Variants in LUZP2 observed in about 807,000 individuals in gnomAD.
LUZP2 encodes the protein leucine zipper protein 2.
LUZP2 carries 52 observed loss-of-function variants against 51.6 expected under a neutral mutation model. The observed-to-expected ratio is 1.01, with a 90% confidence interval of 0.81 to 1.27. LUZP2 has a LOEUF of 1.27. LUZP2 is among the 50% of genes most tolerant of loss of function. The probability of loss-of-function intolerance (pLI) is 0.00; values close to 1 mark genes in which losing one functional copy is unlikely to be tolerated. For missense variants in LUZP2, 436 were observed against 395.4 expected, an observed-to-expected ratio of 1.10 and a Z score of -0.87; for synonymous variants, 154 against 137.3, an observed-to-expected ratio of 1.12 and a Z score of -0.85.
chr11:24,524,277 A>G (rs1336374291), intron 1 of LUZP2, among the ~76,000 whole-genome samples: 5 of 151,932 alleles, frequency 3.3e-5, no homozygotes, highest in Non-Finnish European at 4.4e-5. Flanking sequence ...AGTCTCTTGC[A>G]CTGGTCATCT....
intron 7 of LUZP2, among the ~76,000 whole-genome samples, chr11:24,954,994 G>A (rs1040644968): frequency 1.3e-5 from 2 of 151,940 alleles, no homozygotes; most frequent in African/African-American, 4.8e-5. Context: ...AGATGGTGAG[G>A]TATGTAAGAA....
At chr11:24,787,925 T>C (rs369655777) in intron 5 of LUZP2, among the ~76,000 whole-genome samples, 2 of 152,236 alleles carry the variant, frequency 1.3e-5, no homozygotes, top group South Asian at 4.1e-4. Flanking sequence ...CAAGCCTTGC[T>C]GTCTTATCCT....
intron 5 of LUZP2, among the ~76,000 whole-genome samples, chr11:24,902,737 CTA>C (rs1249031661): frequency 1.3e-5 from 2 of 152,092 alleles, no homozygotes; most frequent in African/African-American, 4.8e-5. Context: ...TAATTATCAT[CTA>C]TGTTTCCTCA....
At chr11:24,539,680 T>C (rs868582613) in intron 1 of LUZP2, among the ~76,000 whole-genome samples, 100 of 151,960 alleles carry the variant, frequency 6.6e-4, no homozygotes, top group African/African-American at 2.3e-3. Flanking sequence ...GTGACAGAAG[T>C]ACATATATAT....
At chr11:24,924,990 A>G (rs1854184124) in intron 7 of LUZP2, among the ~76,000 whole-genome samples, 1 of 152,128 alleles carries the variant, frequency 6.6e-6, no homozygotes, top group African/African-American at 2.4e-5. Context: ...CTCTTAGTTA[A>G]TTCTCTCCTG....
chr11:24,614,272 A>C (rs192568367), intron 1 of LUZP2, among the ~76,000 whole-genome samples: 4 of 152,100 alleles, frequency 2.6e-5, no homozygotes, highest in African/African-American at 9.6e-5. Flanking sequence ...TATTCTAGAA[A>C]ACATATTGTT....
At chr11:24,707,922 A>G (rs886346085) in intron 1 of LUZP2, among the ~76,000 whole-genome samples, 4 of 152,182 alleles carry the variant, frequency 2.6e-5, no homozygotes, top group Non-Finnish European at 4.4e-5. Flanking sequence ...CTTATCTCTG[A>G]CGCACGTGGC....
intron 5 of LUZP2, among the ~76,000 whole-genome samples, chr11:24,853,004 G>A (rs948961746): frequency 4.6e-5 from 7 of 152,082 alleles, no homozygotes; most frequent in South Asian, 2.1e-4. Context: ...ACAGCACACC[G>A]ATTGGTCTTG....
At chr11:25,043,779 AGT>A (rs1341819369) in intron 9 of LUZP2, among the ~76,000 whole-genome samples, 1 of 147,990 alleles carries the variant, frequency 6.8e-6, no homozygotes, top group African/African-American at 2.5e-5. Context: ...TAATATATAT[AGT>A]GTGTGTATAT....
Position 24,947,409 on chromosome 11 carries a change from C to T in LUZP2, c.523-29182C>T, listed in dbSNP as rs142353805. 2.4e-4 allele frequency among the ~76,000 whole-genome samples: 36 copies of T among 151,920 alleles called. No homozygotes were observed. The East Asian group carries it at 7.0e-3, about 29-fold the overall frequency. ...TAGAAAGGGAGGCAGTAGAGGCAGACACACTGAATAGCTTACACTAGAAAA... is the reference window on the plus strand; with the variant it reads ...TAGAAAGGGAGGCAGTAGAGGCAGATACACTGAATAGCTTACACTAGAAAA... On this transcript the variant is annotated intron_variant, in intron 7 of 11. Transcript: ENST00000336930.
chr11:24,715,220 C>T (rs955662595), intron 1 of LUZP2, among the ~76,000 whole-genome samples: 8 of 150,148 alleles, frequency 5.3e-5, no homozygotes, highest in Non-Finnish European at 1.2e-4. Context: ...ATATAAGGCA[C>T]TTGAGCATCT....
intron 10 of LUZP2, among the ~76,000 whole-genome samples, chr11:25,067,217 T>A (rs1590893310): frequency 6.6e-6 from 1 of 152,068 alleles, no homozygotes; most frequent in Non-Finnish European, 1.5e-5. Context: ...CTTTGGCCAC[T>A]TTTTGATGAA....
At chr11:24,532,272 A>G (rs1332254653) in intron 1 of LUZP2, among the ~76,000 whole-genome samples, 1 of 150,932 alleles carries the variant, frequency 6.6e-6, no homozygotes, top group Non-Finnish European at 1.5e-5. Flanking sequence ...TAAAAAAATA[A>G]GAATAATTCA....
intron 4 of LUZP2, among the ~76,000 whole-genome samples, chr11:24,741,918 ACATTT>A (rs1463861243): frequency 1.0e-4 from 2 of 20,042 alleles, no homozygotes; most frequent in Non-Finnish European, 3.0e-4. Flanking sequence ...TATAATATAT[ACATTT>A]ATATATTATA....
At chr11:24,701,656 A>C (rs1857426120) in intron 1 of LUZP2, 1 of 152,382 alleles carries the variant, frequency 6.6e-6, no homozygotes, top group Non-Finnish European at 1.5e-5. Flanking sequence ...CTATTTTATA[A>C]ACGCAAGTTT....
chr11:24,951,354 C>T (rs950465277), intron 7 of LUZP2, among the ~76,000 whole-genome samples: 1 of 151,376 alleles, frequency 6.6e-6, no homozygotes, highest in African/African-American at 2.4e-5. Flanking sequence ...AAGTATTATT[C>T]CTATTTTGTT....
chr11:24,921,079 C>A (rs1854038431), intron 7 of LUZP2, among the ~76,000 whole-genome samples: 1 of 151,906 alleles, frequency 6.6e-6, no homozygotes, highest in East Asian at 1.9e-4. Context: ...TGGGGGAACA[C>A]CAGGGTTCTT....
intron 5 of LUZP2, among the ~76,000 whole-genome samples, chr11:24,823,778 G>A (rs567658509): frequency 1.8e-4 from 28 of 152,196 alleles, no homozygotes; most frequent in Admixed American, 3.9e-4. Flanking sequence ...AAAATGAGTG[G>A]TACGGCCAGG....
intron 1 of LUZP2, among the ~76,000 whole-genome samples, chr11:24,544,656 A>G (rs1468239275): frequency 6.6e-6 from 1 of 152,100 alleles, no homozygotes; most frequent in Non-Finnish European, 1.5e-5. Flanking sequence ...GTGTATACAT[A>G]CCATATTTCC....
Sources: gnomAD v4.1 joint callset for allele counts (sites outside exome capture counted in the v4.1 genomes callset) on GRCh38, gnomAD v4.1.1 for gene constraint, MANE v1.5 for transcripts, NCBI Gene and HGNC (gene_info 2026-07-23, HGNC 2026-07-21) for gene names.